The following DIP2C variants were observed in gnomAD, a reference collection of about 807,000 sequenced individuals.
DIP2C encodes DIP2 acetate--CoA ligase C (putative).
In DIP2C, 33 loss-of-function variants were observed where a neutral mutation model predicts 192.4. That is an observed-to-expected ratio of 0.17 (90% CI 0.13 to 0.23). DIP2C has a LOEUF of 0.23. Ranked by LOEUF, DIP2C falls within the 10% of genes least tolerant of loss-of-function variation. The pLI is 1.00. For missense variants in DIP2C, 1,537 were observed against 2,110.1 expected (o/e 0.73, Z 5.32); for synonymous variants, 979 against 864.1 (o/e 1.13, Z -2.33).
At chr10:435,320 G>A (rs972642928) in intron 4 of DIP2C, among the ~76,000 whole-genome samples, 3 of 152,180 alleles carry the variant, frequency 2.0e-5, no homozygotes, top group South Asian at 2.1e-4. Flanking sequence ...GAGTGCTCCT[G>A]CATATTTGAA....
intron 1 of DIP2C, among the ~76,000 whole-genome samples, chr10:564,776 G>C (rs539069186): frequency 1.6e-4 from 25 of 152,194 alleles, no homozygotes; most frequent in African/African-American, 5.8e-4. Context: ...GAACACACCA[G>C]CCACCTCCAC....
chr10:404,022 T>G (rs1230951459), intron 9 of DIP2C, among the ~76,000 whole-genome samples: 1 of 141,430 alleles, frequency 7.1e-6, no homozygotes, highest in African/African-American at 2.7e-5. Flanking sequence ...ACATGTGTGG[T>G]AGCATTAGCA....
intron 1 of DIP2C, among the ~76,000 whole-genome samples, chr10:508,900 G>T (rs371766635): frequency 6.6e-6 from 1 of 152,074 alleles, no homozygotes; most frequent in African/African-American, 2.4e-5. Flanking sequence ...GCTGGAAGGC[G>T]GCCACTCTGA....
intron 1 of DIP2C, among the ~76,000 whole-genome samples, chr10:522,936 A>G (rs1846802420): frequency 1.4e-5 from 2 of 145,678 alleles, no homozygotes; most frequent in South Asian, 2.2e-4. Context: ...GAGTGAGGGA[A>G]CTGTGTGTGA....
At chr10:672,507 ACATC>A (rs1404333537) in intron 1 of DIP2C, among the ~76,000 whole-genome samples, 1 of 152,200 alleles carries the variant, frequency 6.6e-6, no homozygotes, top group Non-Finnish European at 1.5e-5. Context: ...GAGCAGGTTC[ACATC>A]CATCAAATGC....
At chr10:465,000 C>T (rs940823142) in intron 3 of DIP2C, among the ~76,000 whole-genome samples, 4 of 150,574 alleles carry the variant, frequency 2.7e-5, no homozygotes, top group African/African-American at 7.3e-5. Context: ...CTATTCCAAT[C>T]AATAGAAAAA....
intron 4 of DIP2C, 137 bp downstream of exon 4, chr10:440,732 CTG>C: frequency 1.6e-6 from 2 of 1,262,202 alleles, no homozygotes; most frequent in Admixed American, 2.9e-5. Context: ...TCATACAACA[CTG>C]TTTTTGGACT....
intron 36 of DIP2C, among the ~76,000 whole-genome samples, chr10:279,303 G>A (rs1448243547): frequency 6.6e-5 from 10 of 152,132 alleles, no homozygotes; most frequent in Admixed American, 1.3e-4. Flanking sequence ...CGTCTCAGGC[G>A]CATTTGGTAT....
Position 357,852 on chromosome 10 carries a change from G to C in DIP2C, c.2880C>G (p.Ile960Met), listed in dbSNP as rs79715861. 85 of 1,612,514 alleles carry C rather than the reference G, an allele frequency of 5.3e-5. No individual in the cohort carries two copies. In the African/African-American group the frequency reaches 9.9e-4, roughly 19 times the overall value. ...AQASGRDLGQ[I>M]EDNDQARKFL... ...CCTTGCGTGCCTGGTCGTTATCTTCGATCTGACCCAGGTCTCTGCCACTGG... is the reference window on the plus strand; with the variant it reads ...CCTTGCGTGCCTGGTCGTTATCTTCCATCTGACCCAGGTCTCTGCCACTGG... The change falls in exon 23 of 37, where the codon ATC (isoleucine) becomes ATG (methionine). Residue 960 changes from isoleucine (I) to methionine (M), a missense_variant. Ile to Met is a conservative substitution (Grantham distance 10, BLOSUM62 1). Around this residue, in one of 4 missense-constraint regions of DIP2C, gnomAD observed 677 missense variants for 989.9 expected, o/e 0.68. Coordinates refer to ENST00000280886, the MANE Select transcript of DIP2C (RefSeq NM_014974.3).
chr10:642,600 G>A (rs1855250087), intron 1 of DIP2C, among the ~76,000 whole-genome samples: 1 of 152,248 alleles, frequency 6.6e-6, no homozygotes, highest in African/African-American at 2.4e-5. Flanking sequence ...GCTCACTGAT[G>A]ACCAGAGCAA....
chr10:609,042 G>T (rs1279551941), intron 1 of DIP2C, among the ~76,000 whole-genome samples: 1 of 151,800 alleles, frequency 6.6e-6, no homozygotes, highest in African/African-American at 2.4e-5. Context: ...CACTTTACCA[G>T]TATAGTCATA....
At chr10:554,969 T>A (rs1341883671) in intron 1 of DIP2C, among the ~76,000 whole-genome samples, 1 of 152,142 alleles carries the variant, frequency 6.6e-6, no homozygotes, top group African/African-American at 2.4e-5. Context: ...TGGGCTTCAC[T>A]TTTGTATATG....
intron 1 of DIP2C, among the ~76,000 whole-genome samples, chr10:588,269 C>T (rs1851196565): frequency 6.6e-6 from 1 of 151,724 alleles, no homozygotes; most frequent in African/African-American, 2.4e-5. Flanking sequence ...AGCCCTGACC[C>T]TCCGGAAACC....
At chr10:374,678 T>G (rs899606027) in intron 17 of DIP2C, among the ~76,000 whole-genome samples, 1 of 152,234 alleles carries the variant, frequency 6.6e-6, no homozygotes, top group African/African-American at 2.4e-5. Context: ...AAACACCATT[T>G]GTTGGTCCAA....
intron 29 of DIP2C, among the ~76,000 whole-genome samples, chr10:336,950 T>C (rs1176668328): frequency 6.5e-5 from 4 of 61,466 alleles, no homozygotes; most frequent in African/African-American, 1.5e-4. Flanking sequence ...TGTGTGCGCG[T>C]GTGTGTGTGT....
At chr10:469,392 C>T (rs1272241876) in intron 3 of DIP2C, among the ~76,000 whole-genome samples, 1 of 150,320 alleles carries the variant, frequency 6.7e-6, no homozygotes, top group Admixed American at 6.6e-5. Context: ...TCTCAGGTCA[C>T]GGCAACCTCC....
intron 3 of DIP2C, among the ~76,000 whole-genome samples, chr10:442,213 G>A (rs1967796533): frequency 6.6e-6 from 1 of 152,124 alleles, no homozygotes; most frequent in Admixed American, 6.5e-5. Context: ...GAAGCTGTGA[G>A]AATGATCCCA....
chr10:401,486 G>A (rs1204815573), intron 9 of DIP2C, among the ~76,000 whole-genome samples: 1 of 149,384 alleles, frequency 6.7e-6, no homozygotes, highest in African/African-American at 2.5e-5. Flanking sequence ...GTGTTCATCA[G>A]CACATGAATC....
chr10:568,233 C>G (rs1218464405), intron 1 of DIP2C, among the ~76,000 whole-genome samples: 2 of 152,192 alleles, frequency 1.3e-5, no homozygotes, highest in Admixed American at 6.5e-5. Flanking sequence ...AAACACCTCT[C>G]ACATCAATCC....
Sources: gnomAD v4.1 joint callset for allele counts (sites outside exome capture counted in the v4.1 genomes callset) on GRCh38, gnomAD v4.1.1 for gene constraint, gnomAD v4.1.1 regional missense constraint, MANE v1.5 for transcripts, NCBI Gene and HGNC (gene_info 2026-07-23, HGNC 2026-07-21) for gene names.